OSBP2: variants seen among roughly 807,000 people sequenced by gnomAD.
OSBP2 encodes oxysterol-binding protein 2.
In OSBP2, 66 loss-of-function variants were observed where a neutral mutation model predicts 96.0. The ratio of observed to expected loss-of-function variants is 0.69; its 90% confidence interval spans 0.56 to 0.84. The LOEUF (loss-of-function observed/expected upper bound fraction) is 0.84, where lower values mean the gene tolerates loss of function less well. Ranked by LOEUF, OSBP2 falls within the 40% of genes least tolerant of loss-of-function variation. The pLI, the probability that OSBP2 is intolerant of heterozygous loss-of-function variation, is 0.00. For synonymous variants in OSBP2, 525 were observed against 520.9 expected (o/e 1.01, Z -0.11); for missense variants, 1,038 against 1,222.7 (o/e 0.85, Z 2.25).
Position 30,881,610 on chromosome 22 carries a change from C to T in OSBP2, c.1108-5816C>T. 7.8e-7 allele frequency: 1 copy of T among 1,281,108 alleles called. No individual in the cohort carries two copies. The highest frequency in any genetic ancestry group is 1.0e-6 in the Non-Finnish European group (1 of 972,316). The allele number at this position is 1,281,108 out of a possible 1,614,324, so 79.4% of individuals were successfully genotyped here. On this transcript the variant is annotated intron_variant, in intron 3 of 13. Transcript: ENST00000332585. This position sits in a 1 kb window ranked among gnomAD's most constrained non-coding sequence, Gnocchi z 4.5. ...CCCTCCCTGGGCCCCTGGGAACCTC[C>T]CCCTGCCAGTCCCTCTGCCGGGCCC...
At chr22:30,802,845 C>T (rs1243457591) in intron 2 of OSBP2, among the ~76,000 whole-genome samples, 6 of 152,216 alleles carry the variant, frequency 3.9e-5, no homozygotes, top group African/African-American at 1.4e-4. Context: ...CGCGCCCTTG[C>T]AGCGCTCAGG....
At chr22:30,897,678 C>T (rs1310022469) in intron 12 of OSBP2, among the ~76,000 whole-genome samples, 1 of 152,206 alleles carries the variant, frequency 6.6e-6, no homozygotes, top group East Asian at 1.9e-4. Context: ...GACTCAACGC[C>T]TGTAATCCCT....
At chr22:30,730,737 T>TCTCTCC (rs2089741480) in intron 1 of OSBP2, among the ~76,000 whole-genome samples, 2 of 33,718 alleles carry the variant, frequency 5.9e-5, no homozygotes, top group Non-Finnish European at 1.2e-4. Context: ...TCTCTCTCTC[T>TCTCTCC]CTCTCTCTCT....
At chr22:30,803,278 G>A (rs1184293212) in intron 2 of OSBP2, 1 of 153,350 alleles carries the variant, frequency 6.5e-6, no homozygotes, top group East Asian at 1.9e-4. Flanking sequence ...ATTTCTTCCA[G>A]CCCAGATCTT....
In OSBP2 at chr22:30,882,327, C is replaced by T. The variant is rs145335240; in HGVS notation, c.1108-5099C>T. Among the ~76,000 whole-genome samples the T allele has an allele frequency of 3.1e-3, 467 of 152,270 alleles. 3 individuals carry two copies. Among genetic ancestry groups the T allele is most frequent in the African/African-American group, 0.011 (440 of 41,544 alleles). ...TCCCTGCCCTCAAGGGGCTCCCAGACGGCAATCAAGATTTGGCTTTACAAA... is the reference window on the plus strand; with the variant it reads ...TCCCTGCCCTCAAGGGGCTCCCAGATGGCAATCAAGATTTGGCTTTACAAA... On this transcript the variant is annotated intron_variant, in intron 3 of 13. Coordinates refer to ENST00000332585, the MANE Select transcript of OSBP2 (RefSeq NM_030758.4).
chr22:30,834,901 T>C (rs2038601537), intron 2 of OSBP2, among the ~76,000 whole-genome samples: 2 of 151,978 alleles, frequency 1.3e-5, no homozygotes, highest in Admixed American at 1.3e-4. Context: ...CTGCAACCTC[T>C]GCCTCCTGGG....
chr22:30,723,572 C>T (rs1416210004), intron 1 of OSBP2, among the ~76,000 whole-genome samples: 2 of 151,800 alleles, frequency 1.3e-5, no homozygotes, highest in Non-Finnish European at 2.9e-5. Context: ...TGCCACCACG[C>T]CCAGATAATT....
chr22:30,746,614 C>T (rs940081846), intron 2 of OSBP2, among the ~76,000 whole-genome samples: 33 of 151,426 alleles, frequency 2.2e-4, no homozygotes, highest in African/African-American at 7.3e-4. Flanking sequence ...CTCAGCCTCC[C>T]GAGTAGCTGG....
rs572031973 is a variant in OSBP2 at position 30,804,946 on chromosome 22, A to G, written c.853+63577A>G. Among the ~76,000 whole-genome samples the G allele has an allele frequency of 2.2e-4, 33 of 152,338 alleles. 1 individual carries two copies. The South Asian group carries it at 6.4e-3, about 30-fold the overall frequency. ...GGAAAAGTGTGTATTTGAGCCTTGC[A>G]TGTTATTTGTTTTGAAAATTACATT... On this transcript the variant is annotated intron_variant, in intron 2 of 13. Coordinates refer to ENST00000332585, the MANE Select transcript of OSBP2 (RefSeq NM_030758.4).
chr22:30,813,808 C>T (rs1569134797), intron 2 of OSBP2, among the ~76,000 whole-genome samples: 1 of 145,636 alleles, frequency 6.9e-6, no homozygotes, highest in African/African-American at 2.5e-5. Flanking sequence ...GACTTTTTTT[C>T]TTTTTTTTTT....
At chr22:30,832,438 G>A (rs976902973) in intron 2 of OSBP2, among the ~76,000 whole-genome samples, 1 of 151,822 alleles carries the variant, frequency 6.6e-6, no homozygotes, top group East Asian at 1.9e-4. Context: ...CTACAGGCAT[G>A]TGCCACCACA....
chr22:30,795,500 G>A (rs895725743), intron 2 of OSBP2, among the ~76,000 whole-genome samples: 3 of 147,506 alleles, frequency 2.0e-5, no homozygotes, highest in South Asian at 2.1e-4. Context: ...CCATTCTGCC[G>A]TTAAACCTAT....
chr22:30,754,548 G>A (rs2090118142), intron 2 of OSBP2, among the ~76,000 whole-genome samples: 1 of 152,098 alleles, frequency 6.6e-6, no homozygotes. Context: ...CTGTACCTGG[G>A]GTGGAGTAGG....
intron 5 of OSBP2, 145 bp from the exon 6 acceptor site, chr22:30,889,032 C>T (rs575523954): frequency 1.3e-5 from 8 of 629,342 alleles, no homozygotes; most frequent in Admixed American, 1.2e-4. Context: ...GTTGTTATTG[C>T]GGTGCCTGTC....
chr22:30,872,393 C>G (rs1443520801), intron 3 of OSBP2: 1 of 456,302 alleles, frequency 2.2e-6, no homozygotes, highest in Non-Finnish European at 4.4e-6. Flanking sequence ...TTTGGCTTTT[C>G]CGAGATAATG....
At chr22:30,866,701 C>T (rs968720342) in intron 2 of OSBP2, among the ~76,000 whole-genome samples, 4 of 152,042 alleles carry the variant, frequency 2.6e-5, no homozygotes, top group Admixed American at 6.5e-5. Flanking sequence ...TGCGCCACTG[C>T]ACTCCAGCCT....
intron 2 of OSBP2, among the ~76,000 whole-genome samples, chr22:30,776,605 C>A (rs1331409404): frequency 1.3e-5 from 2 of 149,764 alleles, no homozygotes; most frequent in Non-Finnish European, 3.0e-5. Context: ...TTTTTTTTTC[C>A]TTTTCTTTTT....
intron 2 of OSBP2, among the ~76,000 whole-genome samples, chr22:30,749,414 C>G (rs2090045721): frequency 6.6e-6 from 1 of 152,086 alleles, no homozygotes; most frequent in Admixed American, 6.6e-5. Flanking sequence ...GAATGTAACC[C>G]AGCAGCTTTG....
Position 30,870,586 on chromosome 22 carries a change from G to A in OSBP2, c.1011G>A (p.Leu337=). Residue 337 remains leucine (L), a synonymous_variant, in exon 3 of 14, where the codon CTG becomes CTA. Transcript: ENST00000332585. This position sits in a 1 kb window ranked among gnomAD's most constrained non-coding sequence, Gnocchi z 4.1. ...GAALQRSLTE[L]DGLKIPSESG... is the part of the protein sequence containing the mutation. ...CACTCCAGCGCTCCCTGACAGAGCT[G>A]GACGGCCTCAAGATCCCATCTGAGA... is the stretch of plus-strand genomic sequence containing the variant. 6.2e-7 allele frequency: 1 copy of A among 1,614,016 alleles called. No individual in the cohort carries two copies. The highest frequency in any genetic ancestry group is 1.6e-4 in the Middle Eastern group (1 of 6,062).
Sources: allele counts gnomAD v4.1 joint callset (sites outside exome capture counted in the v4.1 genomes callset), GRCh38; gene constraint gnomAD v4.1.1; non-coding constraint Gnocchi (gnomAD v3.1); transcripts MANE v1.5; gene names NCBI Gene and HGNC (gene_info 2026-07-23, HGNC 2026-07-21).